Variants in WWOX observed in about 807,000 individuals in gnomAD.
WWOX encodes the protein WW domain-containing oxidoreductase.
A neutral mutation model predicts 46.2 loss-of-function variants in WWOX; 69 were observed. That is an observed-to-expected ratio of 1.49 (90% CI 1.23 to 1.82). WWOX has a LOEUF of 1.82. Ranked by LOEUF, WWOX falls within the 40% of genes most tolerant of loss-of-function variation. The pLI, the probability that WWOX is intolerant of heterozygous loss-of-function variation, is 0.00. For missense variants in WWOX, 919 were observed against 542.6 expected, an observed-to-expected ratio of 1.69 and a Z score of -6.89; for synonymous variants, 359 against 202.6, an observed-to-expected ratio of 1.77 and a Z score of -6.56.
intron 8 of WWOX, among the ~76,000 whole-genome samples, chr16:79,026,171 C>G (rs1280239355): frequency 2.0e-5 from 3 of 151,666 alleles, no homozygotes; most frequent in Non-Finnish European, 2.9e-5. Context: ...TTTCCTCACT[C>G]CTTTTAGGTG....
intron 4 of WWOX, among the ~76,000 whole-genome samples, chr16:78,117,055 G>T (rs1335262880): frequency 6.6e-6 from 1 of 152,202 alleles, no homozygotes; most frequent in Non-Finnish European, 1.5e-5. Context: ...TGATGGAGAG[G>T]AGGAGATTCT....
At chr16:78,714,480 G>T (rs1248328769) in intron 8 of WWOX, among the ~76,000 whole-genome samples, 2 of 151,898 alleles carry the variant, frequency 1.3e-5, no homozygotes, top group South Asian at 4.2e-4. Context: ...CCCATGATAC[G>T]TGGGGATGAT....
chr16:78,964,485 C>T lies in WWOX; in HGVS notation c.1057-247123C>T, dbSNP rs111447024. ...AGAAAGATGATTTAGGGTATCTGGC[C>T]GAAGAAATTTCTCATCAGCAAAACA... On this transcript the variant is annotated intron_variant, in intron 8 of 8. Coordinates refer to ENST00000566780, the MANE Select transcript of WWOX (RefSeq NM_016373.4). Among the ~76,000 whole-genome samples the T allele has an allele frequency of 2.3e-3, 343 of 152,112 alleles. 3 individuals carry two copies. The highest frequency in any genetic ancestry group is 7.7e-3 in the African/African-American group (319 of 41,474).
intron 3 of WWOX, among the ~76,000 whole-genome samples, chr16:78,113,561 C>T (rs1403733112): frequency 3.3e-5 from 5 of 152,114 alleles, no homozygotes; most frequent in Non-Finnish European, 7.4e-5. Context: ...AAATTGGCTC[C>T]CCTGGCTAGT....
At position 78,714,441 on chromosome 16, in the gene WWOX, A is replaced by G. The variant is rs528994862; in HGVS notation, c.1056+281689A>G. On this transcript the variant is annotated intron_variant, in intron 8 of 8. Transcript: ENST00000566780. ...AACAGCATGGGAAAGACCTGCCCCC[A>G]TGATTCAGTTACCTCCCACCGAGTC... Among the ~76,000 whole-genome samples, 11 of 152,002 alleles carry G rather than the reference A, an allele frequency of 7.2e-5. No homozygotes were observed. The South Asian group carries it at 2.1e-3, about 29-fold the overall frequency.
chr16:78,231,657 C>G (rs1053635142), intron 5 of WWOX, among the ~76,000 whole-genome samples: 34 of 152,124 alleles, frequency 2.2e-4, no homozygotes, highest in African/African-American at 6.3e-4. Flanking sequence ...AAATTCATAA[C>G]CCAAGAGAAG....
intron 8 of WWOX, among the ~76,000 whole-genome samples, chr16:78,730,612 C>A (rs939964512): frequency 3.9e-5 from 5 of 126,706 alleles, no homozygotes; most frequent in African/African-American, 1.3e-4. Context: ...CCACCACGCC[C>A]GGCAATTTTT....
intron 4 of WWOX, chr16:78,123,749 C>CT (rs1005493231): frequency 4.9e-5 from 4 of 81,466 alleles, no homozygotes; most frequent in African/African-American, 1.9e-4. Flanking sequence ...AGCTACTGCA[C>CT]CCGCAACCCT....
chr16:78,586,302 A>G (rs2045205860), intron 8 of WWOX, among the ~76,000 whole-genome samples: 1 of 152,198 alleles, frequency 6.6e-6, no homozygotes, highest in African/African-American at 2.4e-5. Flanking sequence ...GCCTTTAAAA[A>G]GAAAGAGGTT....
chr16:78,458,783 T>C (rs958721188), intron 8 of WWOX, among the ~76,000 whole-genome samples: 3 of 152,118 alleles, frequency 2.0e-5, no homozygotes, highest in Admixed American at 6.5e-5. Context: ...TGTCTGCTAA[T>C]AGGTGGCGCC....
chr16:78,894,043 T>TATTATTATTATTATTATTATC (rs1440137916), intron 8 of WWOX, among the ~76,000 whole-genome samples: 1 of 147,566 alleles, frequency 6.8e-6, no homozygotes, highest in Non-Finnish European at 1.5e-5. Context: ...TTATTATTAT[T>TATTATTATTATTATTATTATC]ATTATTATAT....
At chr16:78,302,429 C>A (rs758214819) in intron 5 of WWOX, among the ~76,000 whole-genome samples, 4 of 152,218 alleles carry the variant, frequency 2.6e-5, no homozygotes, top group African/African-American at 7.2e-5. Context: ...CAAGCCACAG[C>A]TATAGGTTTT....
chr16:78,780,049 C>G (rs1597597306), intron 8 of WWOX, among the ~76,000 whole-genome samples: 1 of 152,162 alleles, frequency 6.6e-6, no homozygotes, highest in African/African-American at 2.4e-5. Flanking sequence ...CATATGGATA[C>G]TTTTTCTCAA....
At chr16:78,562,150 C>T (rs933993317) in intron 8 of WWOX, among the ~76,000 whole-genome samples, 1 of 152,156 alleles carries the variant, frequency 6.6e-6, no homozygotes, top group African/African-American at 2.4e-5. Flanking sequence ...GGATTTGATC[C>T]AAGCTCTCTG....
At chr16:79,012,568 C>G (rs1013941802) in intron 8 of WWOX, among the ~76,000 whole-genome samples, 3 of 152,106 alleles carry the variant, frequency 2.0e-5, no homozygotes, top group East Asian at 1.9e-4. Flanking sequence ...TCATTGTGAT[C>G]AATTTGAAGA....
chr16:79,160,987 T>C (rs2050476007), intron 8 of WWOX, among the ~76,000 whole-genome samples: 2 of 152,208 alleles, frequency 1.3e-5, no homozygotes, highest in African/African-American at 4.8e-5. Flanking sequence ...GCACCTTGTT[T>C]GGTTCAATAA....
At chr16:78,999,868 A>G (rs1283735159) in intron 8 of WWOX, among the ~76,000 whole-genome samples, 1 of 152,218 alleles carries the variant, frequency 6.6e-6, no homozygotes, top group Admixed American at 6.5e-5. Context: ...ATAAAACTTT[A>G]TAAAAAATTA....
chr16:78,630,650 C>T (rs12598987), intron 8 of WWOX, among the ~76,000 whole-genome samples: 1 of 152,008 alleles, frequency 6.6e-6, no homozygotes, highest in African/African-American at 2.4e-5. Flanking sequence ...GCCTCATTCA[C>T]CATTTCCCTG....
chr16:78,494,769 C>A (rs528032676), intron 8 of WWOX, among the ~76,000 whole-genome samples: 12 of 152,238 alleles, frequency 7.9e-5, no homozygotes, highest in Admixed American at 3.3e-4. Flanking sequence ...ATTAGCTCCT[C>A]CCCCCATCTT....
Sources: gnomAD v4.1 joint callset for allele counts (sites outside exome capture counted in the v4.1 genomes callset) on GRCh38, gnomAD v4.1.1 for gene constraint, MANE v1.5 for transcripts, NCBI Gene and HGNC (gene_info 2026-07-23, HGNC 2026-07-21) for gene names.